Variants in GPR19 observed in about 807,000 individuals in gnomAD.
GPR19 encodes the protein G protein-coupled receptor 19.
Under a neutral mutation model 28.5 loss-of-function variants are expected in GPR19, and 14 were observed. That is an observed-to-expected ratio of 0.49 (90% CI 0.32 to 0.77). The LOEUF (loss-of-function observed/expected upper bound fraction) is 0.77. Ranked by LOEUF, GPR19 falls within the 30% of genes least tolerant of loss-of-function variation. The pLI is 0.03. For synonymous variants in GPR19, 173 were observed against 184.1 expected, an observed-to-expected ratio of 0.94 and a Z score of 0.49; for missense variants, 409 against 504.1, an observed-to-expected ratio of 0.81 and a Z score of 1.81.
At chr12:12,670,469 C>T (rs1945841085) in intron 3 of GPR19, among the ~76,000 whole-genome samples, 1 of 152,124 alleles carries the variant, frequency 6.6e-6, no homozygotes, top group Non-Finnish European at 1.5e-5. Flanking sequence ...GTTACCTAAC[C>T]CTCTTGAGCT....
chr12:12,667,750 C>T (rs1270548270), intron 3 of GPR19, among the ~76,000 whole-genome samples: 4 of 151,032 alleles, frequency 2.6e-5, no homozygotes, highest in Admixed American at 2.6e-4. Flanking sequence ...TGATGGGATC[C>T]TGGGGCACCT....
chr12:12,716,393 G>T, the GPR19 span, among the ~76,000 whole-genome samples: 1 of 152,204 alleles, frequency 6.6e-6, no homozygotes, highest in Non-Finnish European at 1.5e-5. Flanking sequence ...AGGAGCTGTT[G>T]TATTTGGCGG....
chr12:12,702,014 T>C, the GPR19 span, among the ~76,000 whole-genome samples: 35 of 152,048 alleles, frequency 2.3e-4, no homozygotes, highest in African/African-American at 8.2e-4. Context: ...GCATCATCTT[T>C]TTATAGAACA....
intron 3 of GPR19, among the ~76,000 whole-genome samples, chr12:12,669,975 C>T (rs1945834624): frequency 6.6e-6 from 1 of 152,196 alleles, no homozygotes; most frequent in Non-Finnish European, 1.5e-5. Flanking sequence ...AAGCAATCCT[C>T]CTGCCTTGGC....
At chr12:12,688,677 G>A (rs1030793314) in intron 2 of GPR19, 2 of 152,226 alleles carry the variant, frequency 1.3e-5, no homozygotes, top group Non-Finnish European at 2.9e-5. Context: ...ATTATTCTAA[G>A]CCTTTCTGTT....
At chr12:12,694,922 C>T (rs1946241025) in intron 2 of GPR19, among the ~76,000 whole-genome samples, 1 of 152,222 alleles carries the variant, frequency 6.6e-6, no homozygotes, top group Non-Finnish European at 1.5e-5. Context: ...AGCGCAGCTG[C>T]CAGGATATAC....
chr12:12,715,238 C>G, the GPR19 span: 1 of 152,194 alleles, frequency 6.6e-6, no homozygotes, highest in Non-Finnish European at 1.5e-5. Flanking sequence ...TATCTAATTT[C>G]TAGGGTAAGG....
At chr12:12,713,967 C>A in the GPR19 span, among the ~76,000 whole-genome samples, 97,856 of 152,058 alleles carry the variant, frequency 0.64, 31,926 homozygotes, top group South Asian at 0.7. Context: ...GTACTTCTTT[C>A]ATGTGCTGTG....
chr12:12,670,260 G>A (rs1055955821), intron 3 of GPR19, among the ~76,000 whole-genome samples: 6 of 152,152 alleles, frequency 3.9e-5, no homozygotes, highest in Non-Finnish European at 8.8e-5. Context: ...AATATCCCAT[G>A]CAACATTTTA....
Position 12,661,159 on chromosome 12 carries a change from G to A in GPR19, c.*42C>T. The A allele has an allele frequency of 7.2e-7, 1 of 1,388,676 alleles. No individual in the cohort carries two copies. 86.0% of individuals were successfully genotyped at this position (1,388,676 alleles called of 1,614,324 possible). ...AATAGCTTCTGTTTTTATAGTTAAA[G>A]CTTTTTAATCTCTGGTGCATAACAA... On this transcript the variant is annotated 3_prime_UTR_variant, in exon 4 of 4. Transcript: ENST00000651487. The surrounding 1 kb of genome is among the most constrained non-coding windows in gnomAD (Gnocchi z 4.2).
At chr12:12,701,652 C>T in the GPR19 span, among the ~76,000 whole-genome samples, 9 of 152,210 alleles carry the variant, frequency 5.9e-5, 1 homozygote, top group African/African-American at 2.2e-4. Flanking sequence ...TTTCAAAGGC[C>T]AGGCCAGGTG....
At chr12:12,671,836 A>G (rs986759629) in intron 3 of GPR19, among the ~76,000 whole-genome samples, 14 of 152,218 alleles carry the variant, frequency 9.2e-5, no homozygotes, top group South Asian at 2.1e-4. Context: ...CTATTAAAAT[A>G]TAAATGTTTC....
chr12:12,681,120 C>T (rs998517607), intron 3 of GPR19, among the ~76,000 whole-genome samples: 3 of 152,088 alleles, frequency 2.0e-5, no homozygotes, highest in African/African-American at 4.8e-5. Context: ...TTTAAGCCAT[C>T]CTCTCAGCAC....
intron 2 of GPR19, among the ~76,000 whole-genome samples, chr12:12,685,258 A>C (rs1946076831): frequency 8.0e-6 from 1 of 124,664 alleles, no homozygotes; most frequent in Non-Finnish European, 1.6e-5. Flanking sequence ...CACTCTTTAA[A>C]TATGGTCTTT....
chr12:12,717,094 C>T, the GPR19 span: 1 of 1,011,316 alleles, frequency 9.9e-7, no homozygotes, highest in Non-Finnish European at 1.2e-6. Context: ...CCCAGGTTCC[C>T]GGCCGTTTGG....
the GPR19 span, chr12:12,717,237 G>A: frequency 1.9e-6 from 2 of 1,051,506 alleles, no homozygotes; most frequent in African/African-American, 1.7e-5. Context: ...GCTCGGGAAC[G>A]AGGGGAGGTG....
In GPR19 at chr12:12,662,284, G is replaced by A. The variant is rs777956615; in HGVS notation, c.165C>T (p.Asp55=). ...CCCCGGGTTTCAGCACATAGTGAAG[G>A]TCTGTTTGGTTGCTCATCCAACTGT... is the stretch of plus-strand genomic sequence containing the variant. ...EEHSWMSNQT[D]LHYVLKPGEV... Residue 55 remains aspartate (D), a synonymous_variant, in exon 4 of 4, where the codon GAC becomes GAT. Coordinates refer to ENST00000651487, the MANE Select transcript of GPR19 (RefSeq NM_006143.3). 1 of 1,614,218 alleles carries A rather than the reference G, an allele frequency of 6.2e-7. No individual in the cohort carries two copies. The highest frequency in any genetic ancestry group is 1.1e-5 in the South Asian group (1 of 91,090).
chr12:12,681,463 T>C (rs1946020663), intron 3 of GPR19, among the ~76,000 whole-genome samples: 1 of 152,220 alleles, frequency 6.6e-6, no homozygotes. Context: ...CCCTCTGTTC[T>C]ATCCTCCCAT....
the GPR19 span, among the ~76,000 whole-genome samples, chr12:12,712,652 T>A: frequency 6.6e-6 from 1 of 152,180 alleles, no homozygotes; most frequent in Non-Finnish European, 1.5e-5. Context: ...CATCATGTTT[T>A]TCTATGTATT....
Sources: allele counts gnomAD v4.1 joint callset (sites outside exome capture counted in the v4.1 genomes callset), GRCh38; gene constraint gnomAD v4.1.1; non-coding constraint Gnocchi (gnomAD v3.1); transcripts MANE v1.5; gene names NCBI Gene and HGNC (gene_info 2026-07-23, HGNC 2026-07-21).